RPS11: variants seen among roughly 807,000 people sequenced by gnomAD.
The protein encoded by RPS11 is small ribosomal subunit protein uS17.
For synonymous variants in RPS11, 107 were observed against 78.0 expected (o/e 1.37, Z -1.96); for missense variants, 127 against 211.4 (o/e 0.60, Z 2.48).
In RPS11 at chr19:49,498,051, G is replaced by C; in HGVS notation, c.353+5G>C. ...ACACCTGTCCCCCTGCTTCAGGTGA[G>C]CGCAGTGGCCCATCAGGTTGCTCAG... On this transcript the variant is annotated splice_donor_5th_base_variant and intron_variant, in intron 4 of 4. Coordinates refer to ENST00000270625, the MANE Select transcript of RPS11 (RefSeq NM_001015.5). 6.2e-7 allele frequency: 1 copy of C among 1,612,120 alleles called. No homozygotes were observed. Among genetic ancestry groups the C allele is most frequent in the South Asian group, 1.1e-5 (1 of 90,988 alleles).
At chr19:49,498,203 G>C (rs1427023792) in intron 4 of RPS11, 157 bp downstream of exon 4, 21 of 770,226 alleles carry the variant, frequency 2.7e-5, no homozygotes, top group Non-Finnish European at 3.8e-5. Context: ...ATGTTCTTCA[G>C]AATCAAAGCG....
chr19:49,498,083 C>G, intron 4 of RPS11, 37 bp downstream of exon 4: 1 of 1,609,952 alleles, frequency 6.2e-7, no homozygotes, highest in Non-Finnish European at 8.5e-7. Flanking sequence ...TCAGGCCACG[C>G]TCTCTCAGCC....
intron 4 of RPS11, 52 bp downstream of exon 4, chr19:49,498,098 G>A: frequency 6.2e-7 from 1 of 1,607,854 alleles, no homozygotes; most frequent in Non-Finnish European, 8.5e-7. Flanking sequence ...TCAGCCTTCA[G>A]ATTCCAGATC....
At chr19:49,498,308 G>A (rs1352227235) in intron 4 of RPS11, 30 of 487,094 alleles carry the variant, frequency 6.2e-5, no homozygotes, top group Non-Finnish European at 2.6e-5. Flanking sequence ...TGTGACATAG[G>A]TCTAAACAAG....
intron 1 of RPS11, 70 bp from the exon 2 acceptor site, chr19:49,497,124 G>T (rs922024092): frequency 1.3e-6 from 2 of 1,579,124 alleles, no homozygotes; most frequent in African/African-American, 2.7e-5. Context: ...GTTCTGGGAA[G>T]GTCTCTAGGG....
chr19:49,497,774 G>A (rs367798534), intron 3 of RPS11, 143 bp from the exon 4 acceptor site: 243 of 1,293,806 alleles, frequency 1.9e-4, no homozygotes, highest in Non-Finnish European at 2.5e-4. Flanking sequence ...GGGCACTGCT[G>A]AGAAAGCCAC....
rs551659697 is a variant in RPS11 at position 49,498,081 on chromosome 19, C to T, written c.353+35C>T. 8.1e-5 allele frequency: 130 copies of T among 1,610,008 alleles called. No individual in the cohort carries two copies. In the African/African-American group the frequency reaches 1.2e-3, roughly 14 times the overall value. On this transcript the variant is annotated intron_variant, in intron 4 of 4. Transcript: ENST00000270625. ...GTGGCCCATCAGGTTGCTCAGGCCA[C>T]GCTCTCTCAGCCTTCAGATTCCAGA... is the stretch of plus-strand genomic sequence containing the variant.
chr19:49,499,533 C>T lies in RPS11; in HGVS notation c.375C>T (p.Ile125=), dbSNP rs199847033. Residue 125 remains isoleucine, a synonymous_variant, in exon 5 of 5, where the codon ATC becomes ATT. Transcript: ENST00000270625. ...PCFRDVQIGD[I]VTVGECRPLS... Reference sequence around the variant, plus strand: ...ACAGGGACGTCCAGATCGGTGACATCGTCACAGTGGGCGAGTGCCGGCCTC... The same window carrying T: ...ACAGGGACGTCCAGATCGGTGACATTGTCACAGTGGGCGAGTGCCGGCCTC... 53 of 1,613,720 alleles carry T rather than the reference C, an allele frequency of 3.3e-5. No individual in the cohort carries two copies. The East Asian group carries it at 6.5e-4, about 20-fold the overall frequency.
intron 3 of RPS11, 133 bp from the exon 4 acceptor site, chr19:49,497,784 C>T (rs574518319): frequency 1.5e-6 from 2 of 1,357,258 alleles, no homozygotes; most frequent in African/African-American, 1.4e-5. Context: ...GAGAAAGCCA[C>T]TTGGTAAAAC....
At chr19:49,499,469 G>A in intron 4 of RPS11, 43 bp from the exon 5 acceptor site, 1 of 1,594,226 alleles carries the variant, frequency 6.3e-7, no homozygotes, top group Non-Finnish European at 8.6e-7. Context: ...GGGGTCTGCT[G>A]GGGTGGCCCC....
intron 1 of RPS11, 91 bp downstream of exon 1, chr19:49,496,562 G>C (rs889097288): frequency 7.3e-7 from 1 of 1,378,076 alleles, no homozygotes; most frequent in Non-Finnish European, 9.9e-7. Context: ...GCCAAGTTCG[G>C]GGGTTAATTC....
At chr19:49,498,085 C>A in intron 4 of RPS11, 39 bp downstream of exon 4, 1 of 1,610,156 alleles carries the variant, frequency 6.2e-7, no homozygotes, top group South Asian at 1.1e-5. Flanking sequence ...AGGCCACGCT[C>A]TCTCAGCCTT....
chr19:49,497,904 C>G lies in RPS11; in HGVS notation c.224-13C>G. The G allele has an allele frequency of 6.2e-7, 1 of 1,614,006 alleles. No homozygotes were observed. Among genetic ancestry groups the G allele is most frequent in the Non-Finnish European group, 8.5e-7 (1 of 1,179,962 alleles). ...CCCATGGGACCTGACCTATGATCGGCCCCCGCTCCTAGGCGTGGTGACCAA... is the reference window on the plus strand; with the variant it reads ...CCCATGGGACCTGACCTATGATCGGGCCCCGCTCCTAGGCGTGGTGACCAA... On this transcript the variant is annotated splice_polypyrimidine_tract_variant and intron_variant, in intron 3 of 4. Coordinates refer to ENST00000270625, the MANE Select transcript of RPS11 (RefSeq NM_001015.5).
At position 49,499,667 on chromosome 19, in the gene RPS11, A is replaced by T. The variant is rs764546724; in HGVS notation, c.*32A>T. On this transcript the variant is annotated 3_prime_UTR_variant, in exon 5 of 5. Transcript: ENST00000270625. Reference sequence around the variant, plus strand: ...ACATCGGCCCGCTCCCCACAATGAAATAAAGTTATTTTCTCATTCCCAGGC... The same window carrying T: ...ACATCGGCCCGCTCCCCACAATGAATTAAAGTTATTTTCTCATTCCCAGGC... 2 of 1,604,622 alleles carry T rather than the reference A, an allele frequency of 1.2e-6. No homozygotes were observed. The highest frequency in any genetic ancestry group is 2.2e-5 in the South Asian group (2 of 90,666).
intron 4 of RPS11, 52 bp from the exon 5 acceptor site, chr19:49,499,460 G>T (rs2079923726): frequency 6.3e-7 from 1 of 1,581,738 alleles, no homozygotes; most frequent in Admixed American, 1.7e-5. Flanking sequence ...GGGCCTCCTG[G>T]GGTCTGCTGG....
rs753118984 is a variant in RPS11 at position 49,497,238 on chromosome 19, G to A, written c.60G>A (p.Lys20=). 3.7e-6 allele frequency: 6 copies of A among 1,614,088 alleles called. No individual in the cohort carries two copies. Among genetic ancestry groups the A allele is most frequent in the Non-Finnish European group, 5.1e-6 (6 of 1,180,014 alleles). The change falls in exon 2 of 5, where the codon AAG becomes AAA. Residue 20 remains lysine (K), a synonymous_variant. Transcript: ENST00000270625. ...YQKQPTIFQN[K]KRVLLGETGK... ...AGCAGCCGACCATCTTTCAAAACAAGAAGAGGGTCCTGCTGGGAGAAACTG... is the reference window on the plus strand; with the variant it reads ...AGCAGCCGACCATCTTTCAAAACAAAAAGAGGGTCCTGCTGGGAGAAACTG...
intron 1 of RPS11, 21 bp downstream of exon 1, chr19:49,496,492 G>C (rs1189790387): frequency 1.2e-6 from 2 of 1,607,464 alleles, no homozygotes; most frequent in Admixed American, 1.7e-5. Context: ...GGGGTTGGAT[G>C]CCAGGGTGCG....
intron 1 of RPS11, among the ~76,000 whole-genome samples, chr19:49,496,822 A>G (rs2079908776): frequency 6.6e-6 from 1 of 151,926 alleles, no homozygotes; most frequent in African/African-American, 2.4e-5. Context: ...TTAATTCTGA[A>G]TCCTTATGTA....
chr19:49,497,894 C>A, intron 3 of RPS11, 23 bp from the exon 4 acceptor site: 1 of 1,614,052 alleles, frequency 6.2e-7, no homozygotes, highest in Non-Finnish European at 8.5e-7. Flanking sequence ...GGGACCTGAC[C>A]TATGATCGGC....
Sources: gnomAD v4.1 joint callset for allele counts (sites outside exome capture counted in the v4.1 genomes callset) on GRCh38, gnomAD v4.1.1 for gene constraint, MANE v1.5 for transcripts, NCBI Gene and HGNC (gene_info 2026-07-23, HGNC 2026-07-21) for gene names.